The following ENTREP2 variants were observed in gnomAD, a reference collection of about 807,000 sequenced individuals.
The protein encoded by ENTREP2 is endosomal transmembrane epsin interactor 2.
At chr15:29,269,803 G>C in the ENTREP2 span, 8 of 1,175,636 alleles carry the variant, frequency 6.8e-6, no homozygotes, top group Non-Finnish European at 6.8e-6. Flanking sequence ...CTGGAGGCGC[G>C]CGCAGTGTCG....
the ENTREP2 span, among the ~76,000 whole-genome samples, chr15:29,510,203 C>T: frequency 6.6e-6 from 1 of 152,168 alleles, no homozygotes; most frequent in Non-Finnish European, 1.5e-5. Context: ...GATGAGATGC[C>T]ATCTCATGCC....
At chr15:29,321,410 G>T in the ENTREP2 span, among the ~76,000 whole-genome samples, 2 of 152,158 alleles carry the variant, frequency 1.3e-5, no homozygotes, top group African/African-American at 4.8e-5. Flanking sequence ...AGCACTTTGG[G>T]AGGCCAAGGC....
At chr15:29,330,126 C>A in the ENTREP2 span, among the ~76,000 whole-genome samples, 1 of 152,080 alleles carries the variant, frequency 6.6e-6, no homozygotes. Flanking sequence ...GATAGTATGT[C>A]CCCCTGATGT....
chr15:29,336,291 C>T, the ENTREP2 span, among the ~76,000 whole-genome samples: 1 of 151,898 alleles, frequency 6.6e-6, no homozygotes, highest in Non-Finnish European at 1.5e-5. Flanking sequence ...TTCAAATAGA[C>T]AGAAAACCAA....
At chr15:29,342,366 C>T in the ENTREP2 span, among the ~76,000 whole-genome samples, 105 of 152,314 alleles carry the variant, frequency 6.9e-4, no homozygotes, top group South Asian at 0.021. Context: ...CTGCAGATTT[C>T]CCATCGGGCA....
At chr15:29,658,190 T>C in the ENTREP2 span, among the ~76,000 whole-genome samples, 1 of 152,172 alleles carries the variant, frequency 6.6e-6, no homozygotes, top group South Asian at 2.1e-4. Context: ...GTTCTTGTGA[T>C]AGTGAGTGAG....
the ENTREP2 span, among the ~76,000 whole-genome samples, chr15:29,638,545 A>G: frequency 6.6e-6 from 1 of 152,214 alleles, no homozygotes; most frequent in Non-Finnish European, 1.5e-5. Context: ...TGTTTTAAAA[A>G]GTTTTAGTGA....
At chr15:29,274,290 T>A in the ENTREP2 span, among the ~76,000 whole-genome samples, 1 of 152,190 alleles carries the variant, frequency 6.6e-6, no homozygotes, top group Non-Finnish European at 1.5e-5. Context: ...ATGTTTCTCT[T>A]CTCACAAATA....
chr15:29,612,593 G>T, the ENTREP2 span: 1 of 154,108 alleles, frequency 6.5e-6, no homozygotes. Context: ...TGCACATCCA[G>T]ACAGGACACT....
chr15:29,343,777 GC>G, the ENTREP2 span, among the ~76,000 whole-genome samples: 1 of 152,114 alleles, frequency 6.6e-6, no homozygotes, highest in African/African-American at 2.4e-5. Flanking sequence ...GAAACTTTAA[GC>G]CGTGTAAATA....
chr15:29,465,915 GT>G, the ENTREP2 span, among the ~76,000 whole-genome samples: 3 of 152,194 alleles, frequency 2.0e-5, no homozygotes, highest in African/African-American at 7.2e-5. Context: ...TAGCTCCTTT[GT>G]TTGTGGCCTG....
At chr15:29,412,891 TA>T in the ENTREP2 span, among the ~76,000 whole-genome samples, 1 of 152,184 alleles carries the variant, frequency 6.6e-6, no homozygotes, top group South Asian at 2.1e-4. Context: ...ACTTCATTCC[TA>T]TTCTTATGTA....
the ENTREP2 span, among the ~76,000 whole-genome samples, chr15:29,600,898 C>CTTTTTTTTTTTTTTTTTT: frequency 1.5e-3 from 189 of 125,364 alleles, 30 homozygotes; most frequent in East Asian, 8.4e-3. Context: ...TATGATTTTT[C>CTTTTTTTTTTTTTTTTTT]TTTCTTTTTT....
chr15:29,218,852 C>G, the ENTREP2 span, among the ~76,000 whole-genome samples: 1 of 152,282 alleles, frequency 6.6e-6, no homozygotes, highest in East Asian at 1.9e-4. Context: ...AGACCTGAAA[C>G]TATAAAAATT....
the ENTREP2 span, among the ~76,000 whole-genome samples, chr15:29,310,339 T>A: frequency 6.6e-6 from 1 of 152,070 alleles, no homozygotes; most frequent in Non-Finnish European, 1.5e-5. Flanking sequence ...ACGCAGCAAC[T>A]CAGGAGCTCA....
the ENTREP2 span, among the ~76,000 whole-genome samples, chr15:29,601,847 T>C: frequency 6.6e-6 from 1 of 152,170 alleles, no homozygotes; most frequent in Non-Finnish European, 1.5e-5. Flanking sequence ...CAATGACCAA[T>C]CACTGCAGAT....
chr15:29,153,903 C>T, the ENTREP2 span, among the ~76,000 whole-genome samples: 2 of 152,194 alleles, frequency 1.3e-5, no homozygotes, highest in Non-Finnish European at 2.9e-5. Context: ...ACCTTCTGGG[C>T]TCAAGTGATC....
chr15:29,549,913 T>A, the ENTREP2 span, among the ~76,000 whole-genome samples: 1 of 152,060 alleles, frequency 6.6e-6, no homozygotes, highest in South Asian at 2.1e-4. Context: ...TGATTCAGAG[T>A]CAGAGTGAGT....
At chr15:29,540,272 GT>G in the ENTREP2 span, among the ~76,000 whole-genome samples, 1 of 152,164 alleles carries the variant, frequency 6.6e-6, no homozygotes, top group Non-Finnish European at 1.5e-5. Flanking sequence ...TTCTCGCTAT[GT>G]TGAAATGTAT....
Sources: allele counts gnomAD v4.1 joint callset (sites outside exome capture counted in the v4.1 genomes callset), GRCh38; gene constraint gnomAD v4.1.1; transcripts MANE v1.5; gene names NCBI Gene and HGNC (gene_info 2026-07-23, HGNC 2026-07-21).